WSB1: variants seen among roughly 807,000 people sequenced by gnomAD.
WSB1 encodes WD repeat and SOCS box-containing protein 1.
In WSB1, 23 loss-of-function variants were observed where a neutral mutation model predicts 50.2. The ratio of observed to expected loss-of-function variants is 0.46; its 90% CI spans 0.33 to 0.65. The LOEUF is 0.65. Among genes scored for constraint, WSB1 ranks in the 30% least tolerant of loss-of-function variants. WSB1 has a pLI of 0.02. For missense variants in WSB1, 492 were observed against 522.3 expected (o/e 0.94, Z 0.56); for synonymous variants, 179 against 172.0 (o/e 1.04, Z -0.32).
chr17:27,306,800 T>G lies in WSB1; in HGVS notation c.629T>G (p.Leu210Trp), dbSNP rs143169856. Reference sequence around the variant, plus strand: ...TGTTCAGGAAACATGATGAAAGTATTGAGGGGGCATCAGAATTGGGTGTAC... The same window carrying G: ...TGTTCAGGAAACATGATGAAAGTATGGAGGGGGCATCAGAATTGGGTGTAC... ...LKDDGNMMKVLRGHQNWVYSC... is the reference protein window; with the variant it reads ...LKDDGNMMKVWRGHQNWVYSC... The change falls in exon 5 of 9, where the codon TTG (leucine) becomes TGG (tryptophan). Residue 210 changes from leucine to tryptophan, a missense_variant. Physicochemically the swap from Leu to Trp is moderately conservative, Grantham distance 61. Coordinates refer to ENST00000262394, the MANE Select transcript of WSB1 (RefSeq NM_015626.10). 1.5e-4 allele frequency: 236 copies of G among 1,614,166 alleles called. No individual in the cohort carries two copies. The highest frequency in any genetic ancestry group is 1.9e-4 in the Non-Finnish European group (224 of 1,180,020).
At chr17:27,306,264 GTGCAGCGGCGTGATCTCCGCTCAC>G (rs954160245) in intron 4 of WSB1, among the ~76,000 whole-genome samples, 1 of 138,446 alleles carries the variant, frequency 7.2e-6, no homozygotes, top group Non-Finnish European at 1.5e-5. Flanking sequence ...CCAGGCTGGA[GTGCAGCGGCGTGATCTCCGCTCAC>G]TGCAGCCTCT....
rs2017786249 is a variant in WSB1, at chr17:27,314,109, T to G, written c.*1740T>G. ...TAGCTCTGTTAAGGAATGTAAAAAT[T>G]TATAGGGGGTGTAGGGTTATCAATT... On this transcript the variant is annotated 3_prime_UTR_variant, in exon 9 of 9. Transcript: ENST00000262394. The G allele has an allele frequency of 1.3e-5, 2 of 152,116 alleles. No individual in the cohort carries two copies. Among genetic ancestry groups the G allele is most frequent in the African/African-American group, 4.8e-5 (2 of 41,402 alleles). The allele number at this position is 152,116 out of a possible 1,614,324, so 9.4% of individuals were successfully genotyped here. A position where few individuals can be genotyped will look rare whatever the true frequency, so the allele number is the denominator to read the frequency against.
intron 1 of WSB1, among the ~76,000 whole-genome samples, chr17:27,299,979 C>G (rs1345963421): frequency 6.6e-6 from 1 of 151,902 alleles, no homozygotes; most frequent in Non-Finnish European, 1.5e-5. Flanking sequence ...TTTTTGCTTT[C>G]TAAACCACAC....
chr17:27,303,231 C>A, intron 2 of WSB1, 136 bp from the exon 3 acceptor site: 1 of 975,730 alleles, frequency 1.0e-6, no homozygotes, highest in Non-Finnish European at 1.5e-6. Context: ...CCCTTCCTAT[C>A]TATAGGATTC....
chr17:27,296,517 A>G (rs1252452412), intron 1 of WSB1, among the ~76,000 whole-genome samples: 1 of 152,214 alleles, frequency 6.6e-6, no homozygotes, highest in Admixed American at 6.5e-5. Context: ...TCTCAAGGAC[A>G]TACGGAGAGT....
rs1239544533 is a variant in WSB1 at position 27,309,085 on chromosome 17, G to A, written c.712-15G>A. 1 of 1,589,954 alleles carries A rather than the reference G, an allele frequency of 6.3e-7. No homozygotes were observed. The highest frequency in any genetic ancestry group is 1.1e-5 in the South Asian group (1 of 88,184). ...ATGTCTGAATGAAGCTATAACATTT[G>A]CCTTTTTATTGCAGGTTTTCCTTTG... On this transcript the variant is annotated splice_polypyrimidine_tract_variant and intron_variant, in intron 5 of 8. Coordinates refer to ENST00000262394, the MANE Select transcript of WSB1 (RefSeq NM_015626.10).
intron 1 of WSB1, among the ~76,000 whole-genome samples, chr17:27,296,928 C>T (rs1412483156): frequency 6.6e-6 from 1 of 152,102 alleles, no homozygotes; most frequent in Non-Finnish European, 1.5e-5. Flanking sequence ...AATCTGAGCA[C>T]TTAAATCATT....
At position 27,315,287 on chromosome 17, in the gene WSB1, T is replaced by G. The variant is rs2017809171; in HGVS notation, c.*2918T>G. The G allele has an allele frequency of 2.0e-5, 3 of 152,240 alleles. No homozygotes were observed. The South Asian group carries it at 6.2e-4, about 31-fold the overall frequency. 9.4% of individuals were successfully genotyped at this position (152,240 alleles called of 1,614,324 possible). On this transcript the variant is annotated 3_prime_UTR_variant, in exon 9 of 9. Transcript: ENST00000262394. Reference sequence around the variant, plus strand: ...ACTGGCAGATCATTTATGTTCAGATTTAATTTTCTGTTTTAGAATCCCATG... The same window carrying G: ...ACTGGCAGATCATTTATGTTCAGATGTAATTTTCTGTTTTAGAATCCCATG...
chr17:27,302,004 C>G (rs1170990232), intron 2 of WSB1, 48 bp downstream of exon 2: 2 of 1,501,034 alleles, frequency 1.3e-6, no homozygotes, highest in South Asian at 1.4e-5. Context: ...TGGAATTTAC[C>G]ATTTTCTCTC....
At chr17:27,303,945 TTTTC>T (rs368203180) in intron 3 of WSB1, among the ~76,000 whole-genome samples, 74 of 152,222 alleles carry the variant, frequency 4.9e-4, no homozygotes, top group African/African-American at 1.6e-3. Context: ...TGTCAAGGTG[TTTTC>T]TTTGTTTATG....
chr17:27,306,909 A>G (rs1383938994), intron 5 of WSB1, 27 bp downstream of exon 5: 11 of 1,600,564 alleles, frequency 6.9e-6, no homozygotes, highest in South Asian at 1.1e-5. Context: ...TTGTACATTC[A>G]TTATGAATTG....
At chr17:27,308,472 ATGTAAT>A in intron 5 of WSB1, 8 of 984,930 alleles carry the variant, frequency 8.1e-6, no homozygotes, top group Non-Finnish European at 9.6e-6. Context: ...ATTTATTGAA[ATGTAAT>A]TGTATTATTT....
chr17:27,308,895 A>G (rs1447529311), intron 5 of WSB1: 11 of 1,196,024 alleles, frequency 9.2e-6, no homozygotes, highest in Non-Finnish European at 1.1e-5. Context: ...TAACAGAAAC[A>G]TTTGAAATAG....
At chr17:27,296,108 C>T (rs776571719) in intron 1 of WSB1, among the ~76,000 whole-genome samples, 1 of 152,196 alleles carries the variant, frequency 6.6e-6, no homozygotes. Flanking sequence ...GCTAGGATTA[C>T]GGGCGTGAGC....
At position 27,304,727 on chromosome 17, in the gene WSB1, A is replaced by C. The variant is rs531371010; in HGVS notation, c.479-53A>C. On this transcript the variant is annotated intron_variant, in intron 3 of 8. Transcript: ENST00000262394. ...ACCCTGTCTCAAGAAAAATAAGAAC[A>C]AAACAAAAATATATTAATACTGTCT... The C allele has an allele frequency of 1.5e-3, 2,317 of 1,571,730 alleles. 2 individuals are homozygous for C. Among genetic ancestry groups the C allele is most frequent in the Non-Finnish European group, 1.9e-3 (2,168 of 1,153,804 alleles).
chr17:27,307,239 G>GT (rs2017499575), intron 5 of WSB1: 1 of 215,956 alleles, frequency 4.6e-6, no homozygotes. Context: ...CCAGTTTGCT[G>GT]TTTTTAAAGT....
At chr17:27,294,735 A>G (rs964500486) in intron 1 of WSB1, among the ~76,000 whole-genome samples, 15 of 152,208 alleles carry the variant, frequency 9.9e-5, no homozygotes, top group Non-Finnish European at 1.6e-4. Flanking sequence ...TTCTTGGCTC[A>G]GGGCATGACT....
At position 27,294,738 on chromosome 17, in the gene WSB1, G is replaced by T. The variant is rs569835240; in HGVS notation, c.40+303G>T. On this transcript the variant is annotated intron_variant, in intron 1 of 8. Coordinates refer to ENST00000262394, the MANE Select transcript of WSB1 (RefSeq NM_015626.10). The stretch of plus-strand genomic sequence containing the variant: ...TTGTCCTGGGAGTTCTTGGCTCAGG[G>T]CATGACTGTCGAGTGGACAGGGAAG... 5.9e-5 allele frequency among the ~76,000 whole-genome samples: 9 copies of T among 152,294 alleles called. No individual in the cohort carries two copies. The South Asian group carries it at 1.9e-3, about 32-fold the overall frequency.
intron 1 of WSB1, among the ~76,000 whole-genome samples, chr17:27,299,520 AAGTTATGTGACGGCT>A (rs1490928340): frequency 6.6e-6 from 1 of 152,170 alleles, no homozygotes; most frequent in African/African-American, 2.4e-5. Flanking sequence ...CAAAAAAACA[AAGTTATGTGACGGCT>A]AGTAAAGTTA....
Sources: allele counts gnomAD v4.1 joint callset (sites outside exome capture counted in the v4.1 genomes callset), GRCh38; gene constraint gnomAD v4.1.1; transcripts MANE v1.5; gene names NCBI Gene and HGNC (gene_info 2026-07-23, HGNC 2026-07-21).